The following SYNE2 variants were observed in gnomAD, a reference collection of about 807,000 sequenced individuals.
SYNE2 encodes the protein nesprin-2.
Under a neutral mutation model 856.3 loss-of-function variants are expected in SYNE2, and 431 were observed. The ratio of observed to expected loss-of-function variants is 0.50; its 90% confidence interval spans 0.47 to 0.55. The LOEUF (loss-of-function observed/expected upper bound fraction) is 0.55. Among genes scored for constraint, SYNE2 ranks in the 20% least tolerant of loss-of-function variants. SYNE2 has a pLI of 0.00. For synonymous variants in SYNE2, 2,923 were observed against 2,872.3 expected, an observed-to-expected ratio of 1.02 and a Z score of -0.56; for missense variants, 8,129 against 8,023.2, an observed-to-expected ratio of 1.01 and a Z score of -0.50.
At chr14:64,116,534 C>T (rs2097855067) in intron 66 of SYNE2, among the ~76,000 whole-genome samples, 2 of 152,192 alleles carry the variant, frequency 1.3e-5, no homozygotes, top group Non-Finnish European at 2.9e-5. Flanking sequence ...TCTCCTGCCT[C>T]AGCCTCCCAA....
intron 99 of SYNE2, among the ~76,000 whole-genome samples, chr14:64,198,220 C>T (rs2098548060): frequency 6.6e-6 from 1 of 152,200 alleles, no homozygotes; most frequent in Non-Finnish European, 1.5e-5. Flanking sequence ...GCAAAGCGCT[C>T]AGGTGGTTGA....
intron 11 of SYNE2, among the ~76,000 whole-genome samples, chr14:63,974,590 G>T (rs1020028766): frequency 1.3e-5 from 2 of 151,222 alleles, no homozygotes; most frequent in Non-Finnish European, 2.9e-5. Flanking sequence ...ATGGAGTCTC[G>T]CTCTGTTGCC....
chr14:64,101,799 G>A (rs1043071814), intron 63 of SYNE2, 133 bp from the exon 64 acceptor site: 2 of 694,462 alleles, frequency 2.9e-6, no homozygotes, highest in South Asian at 1.6e-5. Flanking sequence ...AAATGGGGGA[G>A]GACTGCAATA....
At chr14:63,847,438 C>T (rs951556421) in intron 1 of SYNE2, among the ~76,000 whole-genome samples, 2 of 151,916 alleles carry the variant, frequency 1.3e-5, no homozygotes, top group Non-Finnish European at 2.9e-5. Flanking sequence ...GCATGAGTGA[C>T]AGCATGAGAC....
intron 81 of SYNE2, 96 bp from the exon 82 acceptor site, chr14:64,141,846 C>G: frequency 6.9e-7 from 1 of 1,447,674 alleles, no homozygotes. Flanking sequence ...AATTATATAG[C>G]AAGACCTTTT....
intron 1 of SYNE2, among the ~76,000 whole-genome samples, chr14:63,786,631 C>G (rs1407780759): frequency 6.6e-6 from 1 of 152,128 alleles, no homozygotes; most frequent in Non-Finnish European, 1.5e-5. Context: ...TCTTCCTTCA[C>G]CAACATTAAG....
chr14:64,088,820 C>T (rs1377125248), intron 58 of SYNE2, among the ~76,000 whole-genome samples: 1 of 152,130 alleles, frequency 6.6e-6, no homozygotes, highest in Non-Finnish European at 1.5e-5. Context: ...TTCCCTACAC[C>T]ACACTCATGT....
Position 63,991,046 on chromosome 14 carries a change from A to T in SYNE2, c.2577A>T (p.Ser859=), listed in dbSNP as rs2096662930. 6.2e-7 allele frequency: 1 copy of T among 1,614,160 alleles called. No individual in the cohort carries two copies. The highest frequency in any genetic ancestry group is 1.1e-5 in the South Asian group (1 of 91,084). ...AAGAATCCCAGAAGGAACTTGAATC[A>T]TATATGATGAGGGCTCAGCAGTTAC... ...KMEESQKELE[S]YMMRAQQLLG... Residue 859 remains serine, a synonymous_variant, in exon 21 of 116, where the codon TCA becomes TCT. Coordinates refer to ENST00000555002, the MANE Select transcript of SYNE2 (RefSeq NM_182914.3).
At chr14:64,213,119 T>C in intron 105 of SYNE2, 114 bp downstream of exon 105, 1 of 1,189,166 alleles carries the variant, frequency 8.4e-7, no homozygotes, top group Non-Finnish European at 1.2e-6. Context: ...GTTTATTTTT[T>C]GGTTGAAAAG....
intron 11 of SYNE2, among the ~76,000 whole-genome samples, 192 bp from the exon 12 acceptor site, chr14:63,976,371 G>A (rs1383552214): frequency 2.0e-5 from 3 of 152,050 alleles, no homozygotes; most frequent in East Asian, 1.9e-4. Flanking sequence ...TTATATTCCT[G>A]GTGAGCAAGT....
At position 64,080,519 on chromosome 14, in the gene SYNE2, G is replaced by A; in HGVS notation, c.11227G>A (p.Asp3743Asn). 1.2e-6 allele frequency: 2 copies of A among 1,614,164 alleles called. No individual in the cohort carries two copies. The highest frequency in any genetic ancestry group is 8.5e-7 in the Non-Finnish European group (1 of 1,180,032). ...KLNELDSEVQDIVEQDPGQAQ... is the reference protein window; with the variant it reads ...KLNELDSEVQNIVEQDPGQAQ... ...AAATGAGCTGGATTCTGAAGTTCAG[G>A]ACATTGTTGAACAGGACCCAGGACA... Residue 3743 changes from aspartate to asparagine, a missense_variant, in exon 56 of 116, where the codon GAC becomes AAC. Asp to Asn is a conservative substitution (Grantham distance 23). This residue lies in a region of SYNE2 where 5,410 missense variants were observed against 5,284.8 expected (regional missense o/e 1.02). Coordinates refer to ENST00000555002, the MANE Select transcript of SYNE2 (RefSeq NM_182914.3).
chr14:63,893,917 G>C (rs1322428747), intron 1 of SYNE2, among the ~76,000 whole-genome samples: 2 of 152,214 alleles, frequency 1.3e-5, no homozygotes, highest in Non-Finnish European at 2.9e-5. Context: ...GGCGATGGGA[G>C]TCAAGGCTCC....
intron 1 of SYNE2, among the ~76,000 whole-genome samples, chr14:63,876,364 G>A (rs529762279): frequency 6.6e-6 from 1 of 151,836 alleles, no homozygotes; most frequent in Non-Finnish European, 1.5e-5. Flanking sequence ...TGATCATACT[G>A]CTAAACTCCA....
intron 1 of SYNE2, among the ~76,000 whole-genome samples, chr14:63,857,866 C>T (rs942148921): frequency 5.9e-5 from 9 of 152,102 alleles, no homozygotes; most frequent in Non-Finnish European, 7.3e-5. Flanking sequence ...TCATTTGTCA[C>T]GTGTAAGATT....
chr14:63,886,911 T>TGG (rs1207194182), intron 1 of SYNE2, among the ~76,000 whole-genome samples: 1 of 152,168 alleles, frequency 6.6e-6, no homozygotes, highest in East Asian at 1.9e-4. Context: ...CTGCCTGCCT[T>TGG]GGCTTCCTAA....
At chr14:64,083,475 C>T (rs1281212767) in intron 57 of SYNE2, among the ~76,000 whole-genome samples, 6 of 151,524 alleles carry the variant, frequency 4.0e-5, no homozygotes, top group Admixed American at 3.9e-4. Flanking sequence ...TACTGATACA[C>T]ATGTAAAAAT....
At chr14:63,878,481 C>T (rs975093023) in intron 1 of SYNE2, among the ~76,000 whole-genome samples, 97 of 152,326 alleles carry the variant, frequency 6.4e-4, no homozygotes, top group African/African-American at 2.0e-3. Context: ...GACAGGCATT[C>T]TCCCTAGATT....
At chr14:64,146,277 CCT>C (rs2098186585) in intron 84 of SYNE2, 54 bp downstream of exon 84, 16 of 1,496,004 alleles carry the variant, frequency 1.1e-5, no homozygotes, top group Non-Finnish European at 1.3e-5. Flanking sequence ...GATTCGGTCA[CCT>C]CTCTTGCCCC....
Position 64,159,438 on chromosome 14 carries a change from A to G in SYNE2, c.16090A>G (p.Lys5364Glu), listed in dbSNP as rs2098311182. ...CGAAGAGAAATGCCAAAATACTCAT[A>G]AAAGGTATGCTTTCAGATATAATTT... ...IIEEKCQNTHKRWTQVNQAIA... is the reference protein window; with the variant it reads ...IIEEKCQNTHERWTQVNQAIA... The change falls in exon 87 of 116, where the codon AAA (lysine) becomes GAA (glutamate). Residue 5364 changes from lysine (K) to glutamate (E), a missense_variant. Lys to Glu is a moderately conservative substitution (Grantham distance 56, BLOSUM62 1). Coordinates refer to ENST00000555002, the MANE Select transcript of SYNE2 (RefSeq NM_182914.3). The G allele has an allele frequency of 1.9e-6, 3 of 1,613,594 alleles. No homozygotes were observed. The East Asian group carries it at 6.7e-5, about 36-fold the overall frequency.
Sources: gnomAD v4.1 joint callset for allele counts (sites outside exome capture counted in the v4.1 genomes callset) on GRCh38, gnomAD v4.1.1 for gene constraint, gnomAD v4.1.1 regional missense constraint, MANE v1.5 for transcripts, NCBI Gene and HGNC (gene_info 2026-07-23, HGNC 2026-07-21) for gene names.